MTHFD2L: variants seen among roughly 807,000 people sequenced by gnomAD.
The protein encoded by MTHFD2L is bifunctional methylenetetrahydrofolate dehydrogenase/cyclohydrolase 2, mitochondrial.
MTHFD2L carries 29 observed loss-of-function variants against 34.9 expected under a neutral mutation model. The observed-to-expected ratio is 0.83, with a 90% CI of 0.62 to 1.13. MTHFD2L has a LOEUF of 1.13. MTHFD2L is among the 50% of genes most tolerant of loss of function. The probability of loss-of-function intolerance (pLI) is 0.00; values close to 1 mark genes in which losing one functional copy is unlikely to be tolerated. For missense variants in MTHFD2L, 481 were observed against 446.5 expected (o/e 1.08, Z -0.70); for synonymous variants, 167 against 155.7 (o/e 1.07, Z -0.54).
chr4:74,283,870 A>G (rs980133004), intron 7 of MTHFD2L, among the ~76,000 whole-genome samples: 1 of 152,102 alleles, frequency 6.6e-6, no homozygotes, highest in Non-Finnish European at 1.5e-5. Context: ...GTTGCTCTTC[A>G]AGTTGTTCAT....
At chr4:74,122,619 A>G (rs987210293), upstream of MTHFD2L, among the ~76,000 whole-genome samples, 3 of 152,200 alleles carry the variant, frequency 2.0e-5, no homozygotes, top group Admixed American at 6.5e-5. Flanking sequence ...CCAAAAATGG[A>G]CCTAATCATA....
intron 5 of MTHFD2L, among the ~76,000 whole-genome samples, chr4:74,202,670 G>A (rs191694812): frequency 4.0e-4 from 61 of 152,252 alleles, no homozygotes; most frequent in Non-Finnish European, 7.5e-4. Flanking sequence ...AATAGAAGTA[G>A]TTATTGGTTT....
At chr4:74,234,861 C>G (rs927146843) in intron 6 of MTHFD2L, among the ~76,000 whole-genome samples, 1 of 150,850 alleles carries the variant, frequency 6.6e-6, no homozygotes, top group Non-Finnish European at 1.5e-5. Flanking sequence ...AAAATAAAAA[C>G]AGAGAGAGAG....
intron 6 of MTHFD2L, among the ~76,000 whole-genome samples, chr4:74,233,165 GAGAT>G (rs1272919176): frequency 6.6e-6 from 1 of 152,056 alleles, no homozygotes; most frequent in Non-Finnish European, 1.5e-5. Flanking sequence ...ACAGAGAGAG[GAGAT>G]AGCTGTGTCT....
chr4:74,204,860 C>T (rs1364587494), intron 5 of MTHFD2L, among the ~76,000 whole-genome samples: 1 of 151,968 alleles, frequency 6.6e-6, no homozygotes, highest in Non-Finnish European at 1.5e-5. Flanking sequence ...GAAAGATAAA[C>T]ACAAATTGAT....
intron 6 of MTHFD2L, among the ~76,000 whole-genome samples, chr4:74,260,407 T>C (rs1553919458): frequency 6.6e-6 from 1 of 152,144 alleles, no homozygotes; most frequent in Non-Finnish European, 1.5e-5. Context: ...TGCAAGAAGC[T>C]CTTCCTGTCT....
At chr4:74,194,708 G>C (rs560823338) in intron 3 of MTHFD2L, 2 of 152,242 alleles carry the variant, frequency 1.3e-5, no homozygotes, top group East Asian at 3.9e-4. Context: ...AACCAATCGT[G>C]GCCCACACCT....
In MTHFD2L at chr4:74,158,272, G is replaced by A. The variant is rs1197973611; in HGVS notation, c.134G>A (p.Ser45Asn). Residue 45 changes from serine (S) to asparagine (N), a missense_variant, in exon 1 of 8, where the codon AGC becomes AAC. Ser to Asn is a conservative substitution (Grantham distance 46). Coordinates refer to ENST00000325278, the MANE Select transcript of MTHFD2L (RefSeq NM_001144978.3). ...AGTGCGTTCCGGGGCTTTCGGAGCA[G>A]CGGTGTGAGGTACGAGGGCTGCGGG... ...PGSAFRGFRS[S>N]GVRHEAIIIS... is the part of the protein sequence containing the mutation. The A allele has an allele frequency of 6.3e-6, 9 of 1,422,808 alleles. No individual in the cohort carries two copies. Among genetic ancestry groups the A allele is most frequent in the African/African-American group, 1.5e-5 (1 of 66,338 alleles). The allele number at this position is 1,422,808 out of a possible 1,614,324, so 88.1% of individuals were successfully genotyped here. A position where few individuals can be genotyped will look rare whatever the true frequency, so the allele number is the denominator to read the frequency against.
intron 6 of MTHFD2L, among the ~76,000 whole-genome samples, chr4:74,275,915 A>G (rs946085102): frequency 6.6e-6 from 1 of 152,028 alleles, no homozygotes; most frequent in Admixed American, 6.6e-5. Context: ...CACTCTGATG[A>G]TAGTTTCTTT....
chr4:74,212,638 T>G (rs775282512), intron 5 of MTHFD2L, among the ~76,000 whole-genome samples: 9 of 152,132 alleles, frequency 5.9e-5, no homozygotes, highest in Non-Finnish European at 1.2e-4. Context: ...TTAGAATAAG[T>G]GTGATGTGGT....
intron 7 of MTHFD2L, among the ~76,000 whole-genome samples, chr4:74,282,699 G>T (rs1747657251): frequency 6.6e-6 from 1 of 152,106 alleles, no homozygotes; most frequent in Admixed American, 6.6e-5. Flanking sequence ...ACAAAATGGT[G>T]TAAATAAGAG....
chr4:74,154,978 T>C (rs1724154117), upstream of MTHFD2L, among the ~76,000 whole-genome samples: 1 of 152,146 alleles, frequency 6.6e-6, no homozygotes, highest in Admixed American at 6.5e-5. Context: ...CTCCTCCCAT[T>C]GCTTATCTGT....
At chr4:74,158,964 C>T (rs1286461957) in intron 1 of MTHFD2L, among the ~76,000 whole-genome samples, 3 of 152,166 alleles carry the variant, frequency 2.0e-5, no homozygotes, top group African/African-American at 4.8e-5. Flanking sequence ...ATCTTCTTGA[C>T]CCAGAGCTTG....
chr4:74,162,678 C>T lies in MTHFD2L; in HGVS notation c.143+4397C>T, dbSNP rs191641382. On this transcript the variant is annotated intron_variant, in intron 1 of 7. Coordinates refer to ENST00000325278, the MANE Select transcript of MTHFD2L (RefSeq NM_001144978.3). Reference sequence around the variant, plus strand: ...GATTTTGCATATACAGTATGTCCTTCGATCCTCACAACAACTAAAGGAAGT... The same window carrying T: ...GATTTTGCATATACAGTATGTCCTTTGATCCTCACAACAACTAAAGGAAGT... 2.0e-3 allele frequency among the ~76,000 whole-genome samples: 303 copies of T among 152,124 alleles called. 1 individual carries two copies. Among genetic ancestry groups the T allele is most frequent in the African/African-American group, 6.3e-3 (260 of 41,530 alleles).
intron 3 of MTHFD2L, among the ~76,000 whole-genome samples, chr4:74,182,395 C>T (rs750219028): frequency 6.6e-6 from 1 of 152,060 alleles, no homozygotes; most frequent in Middle Eastern, 3.4e-3. Context: ...ATCTTGTGCC[C>T]GCACCCATGA....
chr4:74,200,222 G>A (rs1372046895), intron 4 of MTHFD2L, among the ~76,000 whole-genome samples: 1 of 152,134 alleles, frequency 6.6e-6, no homozygotes, highest in Non-Finnish European at 1.5e-5. Flanking sequence ...TGAGGAAGGA[G>A]AATGGCATGA....
At chr4:74,209,054 G>C (rs1436471984) in intron 5 of MTHFD2L, among the ~76,000 whole-genome samples, 1 of 152,070 alleles carries the variant, frequency 6.6e-6, no homozygotes, top group African/African-American at 2.4e-5. Flanking sequence ...CAGGTGAGAA[G>C]AGACAAACTG....
chr4:74,135,513 G>T (rs1193757394), intron 1 of MTHFD2L, among the ~76,000 whole-genome samples: 1 of 151,978 alleles, frequency 6.6e-6, no homozygotes, highest in Non-Finnish European at 1.5e-5. Flanking sequence ...ATAATAAAAA[G>T]TCTCCCATCA....
At chr4:74,210,857 T>C (rs957146184) in intron 5 of MTHFD2L, among the ~76,000 whole-genome samples, 1 of 152,196 alleles carries the variant, frequency 6.6e-6, no homozygotes, top group African/African-American at 2.4e-5. Flanking sequence ...TCCTCTCTTA[T>C]TTCCTTGAGC....
Sources: allele counts gnomAD v4.1 joint callset (sites outside exome capture counted in the v4.1 genomes callset), GRCh38; gene constraint gnomAD v4.1.1; transcripts MANE v1.5; gene names NCBI Gene and HGNC (gene_info 2026-07-23, HGNC 2026-07-21).